Variants in SCAF1 observed in about 807,000 individuals in gnomAD.
SCAF1 encodes splicing factor, arginine/serine-rich 19.
SCAF1 carries 28 observed loss-of-function variants against 91.2 expected under a neutral mutation model. The ratio of observed to expected loss-of-function variants is 0.31; its 90% CI spans 0.23 to 0.42. The LOEUF (loss-of-function observed/expected upper bound fraction) is 0.42, where lower values mean the gene tolerates loss of function less well. SCAF1 is among the 10% of genes least tolerant of loss of function. SCAF1 has a pLI of 1.00. For synonymous variants in SCAF1, 1,036 were observed against 833.7 expected, an observed-to-expected ratio of 1.24 and a Z score of -4.18; for missense variants, 1,893 against 1,872.1, an observed-to-expected ratio of 1.01 and a Z score of -0.21.
At position 49,653,436 on chromosome 19, in the gene SCAF1, G is replaced by T. The variant is rs757982776; in HGVS notation, c.3047G>T (p.Gly1016Val). The T allele has an allele frequency of 1.0e-5, 16 of 1,546,742 alleles. No homozygotes were observed. In the South Asian group the frequency reaches 1.7e-4, roughly 17 times the overall value. ...CCCGAGGAGGCCACTGAGGAGGCTG[G>T]GGTCCGAGGTGGGGCGGAGGAGGAG... Reference protein sequence around the residue: ...FLPEEATEEAGVRGGAEEEEE... With the variant: ...FLPEEATEEAVVRGGAEEEEE... The change falls in exon 7 of 11, where the codon GGG (glycine) becomes GTG (valine). Residue 1016 changes from glycine (G) to valine (V), a missense_variant. Transcript: ENST00000360565.
At chr19:49,657,640 GC>G in intron 9 of SCAF1, 120 bp from the exon 10 acceptor site, 1 of 1,290,936 alleles carries the variant, frequency 7.7e-7, no homozygotes, top group Non-Finnish European at 1.1e-6. Flanking sequence ...AGGACTTCCA[GC>G]CTGAGAGCAG....
chr19:49,651,613 C>A lies in SCAF1; in HGVS notation c.1224C>A (p.Ser408=). 1 of 1,476,454 alleles carries A rather than the reference C, an allele frequency of 6.8e-7. No homozygotes were observed. Among genetic ancestry groups the A allele is most frequent in the Non-Finnish European group, 8.9e-7 (1 of 1,117,614 alleles). 91.5% of individuals were successfully genotyped at this position (1,476,454 alleles called of 1,614,324 possible). The change falls in exon 7 of 11, where the codon TCC becomes TCA. Residue 408 remains serine, a synonymous_variant. Transcript: ENST00000360565. ...QPEEEPRLAL[S]LFRPGGRAAR... ...AGGAGGAGCCCAGGCTGGCGCTGTC[C>A]CTCTTCCGCCCCGGCGGCCGGGCCG...
chr19:49,651,650 C>G lies in SCAF1; in HGVS notation c.1261C>G (p.Pro421Ala). The G allele has an allele frequency of 7.0e-7, 1 of 1,426,584 alleles. No homozygotes were observed. The highest frequency in any genetic ancestry group is 9.1e-7 in the Non-Finnish European group (1 of 1,099,372). The allele number at this position is 1,426,584 out of a possible 1,614,324, so 88.4% of individuals were successfully genotyped here. Reference protein sequence around the residue: ...RPGGRAARPTPAASATPTAQP... With the variant: ...RPGGRAARPTAAASATPTAQP... ...CGGCGGCCGGGCCGCCCGGCCTACA[C>G]CGGCCGCCTCGGCCACCCCCACGGC... The change falls in exon 7 of 11, where the codon CCG (proline) becomes GCG (alanine). Residue 421 changes from proline (P) to alanine (A), a missense_variant. Pro to Ala is a conservative substitution (Grantham distance 27). Around this residue, in one of 5 missense-constraint regions of SCAF1, gnomAD observed 1,436 missense variants for 1,306.8 expected, o/e 1.10. Transcript: ENST00000360565.
At chr19:49,648,410 C>G (rs1005853674) in intron 6 of SCAF1, among the ~76,000 whole-genome samples, 1 of 152,030 alleles carries the variant, frequency 6.6e-6, no homozygotes, top group Non-Finnish European at 1.5e-5. Flanking sequence ...CCACGCCCAG[C>G]CTTTATTTTT....
At position 49,646,294 on chromosome 19, in the gene SCAF1, C is replaced by G. The variant is rs1044238575; in HGVS notation, c.261+92C>G. ...GTCTGGGGGAATGGGGTTTGGGGACCTGGACTCCTGGCTCTGCGATGCTGA... is the reference window on the plus strand; with the variant it reads ...GTCTGGGGGAATGGGGTTTGGGGACGTGGACTCCTGGCTCTGCGATGCTGA... On this transcript the variant is annotated intron_variant, in intron 4 of 10. Coordinates refer to ENST00000360565, the MANE Select transcript of SCAF1 (RefSeq NM_021228.3). The surrounding 1 kb of genome is among the most constrained non-coding windows in gnomAD (Gnocchi z 5.6). 23 of 1,107,832 alleles carry G rather than the reference C, an allele frequency of 2.1e-5. No individual in the cohort carries two copies. Among genetic ancestry groups the G allele is most frequent in the Admixed American group, 7.4e-5 (3 of 40,376 alleles). 68.6% of individuals were successfully genotyped at this position (1,107,832 alleles called of 1,614,324 possible).
chr19:49,658,241 G>C lies in SCAF1; in HGVS notation c.3781G>C (p.Val1261Leu). ...CAGCAAAAGTGGGGAAATCAACCCA[G>C]TGAAGGTGAGCAACCTGGTGCGGGC... ...CHSKSGEINP[V>L]KVSNLVRAYV... Residue 1261 changes from valine (V) to leucine (L), a missense_variant, in exon 11 of 11, where the codon GTG (valine) becomes CTG (leucine). Around this residue, in one of 5 missense-constraint regions of SCAF1, gnomAD observed 56 missense variants for 106.3 expected, o/e 0.53. Coordinates refer to ENST00000360565, the MANE Select transcript of SCAF1 (RefSeq NM_021228.3). The C allele has an allele frequency of 6.2e-7, 1 of 1,613,718 alleles. No individual in the cohort carries two copies.
Position 49,653,269 on chromosome 19 carries a change from G to A in SCAF1, c.2880G>A (p.Glu960=). 2 of 1,480,488 alleles carry A rather than the reference G, an allele frequency of 1.4e-6. No homozygotes were observed. Among genetic ancestry groups the A allele is most frequent in the Middle Eastern group, 1.8e-4 (1 of 5,582 alleles). The allele number at this position is 1,480,488 out of a possible 1,614,324, so 91.7% of individuals were successfully genotyped here. A position where few individuals can be genotyped will look rare whatever the true frequency, so the allele number is the denominator to read the frequency against. ...CSQAAGTKGA[E]ETSWSGEERA... ...AGGCGGCAGGCACCAAGGGGGCGGA[G>A]GAGACTTCCTGGTCCGGGGAGGAGC... Residue 960 remains glutamate (E), a synonymous_variant, in exon 7 of 11, where the codon GAG becomes GAA. Coordinates refer to ENST00000360565, the MANE Select transcript of SCAF1 (RefSeq NM_021228.3).
Position 49,658,511 on chromosome 19 carries a change from C to A in SCAF1, c.*112C>A. ...TGGGATGACTGGGGGAGGGTTGCTGCAGGGAAGAGGAGAGCCCCCTGCCCT... is the reference window on the plus strand; with the variant it reads ...TGGGATGACTGGGGGAGGGTTGCTGAAGGGAAGAGGAGAGCCCCCTGCCCT... On this transcript the variant is annotated 3_prime_UTR_variant, in exon 11 of 11. Coordinates refer to ENST00000360565, the MANE Select transcript of SCAF1 (RefSeq NM_021228.3). 1 of 676,012 alleles carries A rather than the reference C, an allele frequency of 1.5e-6. No individual in the cohort carries two copies. The highest frequency in any genetic ancestry group is 2.5e-6 in the Non-Finnish European group (1 of 400,350). The allele number at this position is 676,012 out of a possible 1,614,324, so 41.9% of individuals were successfully genotyped here. A position where few individuals can be genotyped will look rare whatever the true frequency, so the allele number is the denominator to read the frequency against.
chr19:49,658,496 G>T lies in SCAF1; in HGVS notation c.*97G>T, dbSNP rs948103006. On this transcript the variant is annotated 3_prime_UTR_variant, in exon 11 of 11. Transcript: ENST00000360565. Reference sequence around the variant, plus strand: ...TCCCTCCCCCGTCAGTGGGATGACTGGGGGAGGGTTGCTGCAGGGAAGAGG... The same window carrying T: ...TCCCTCCCCCGTCAGTGGGATGACTTGGGGAGGGTTGCTGCAGGGAAGAGG... 1.4e-5 allele frequency: 10 copies of T among 710,524 alleles called. No homozygotes were observed. The highest frequency in any genetic ancestry group is 2.1e-5 in the Non-Finnish European group (9 of 431,276). 44.0% of individuals were successfully genotyped at this position (710,524 alleles called of 1,614,324 possible).
rs1369328337 is a variant in SCAF1 at position 49,652,315 on chromosome 19, G to A, written c.1926G>A (p.Lys642=). 1.3e-6 allele frequency: 2 copies of A among 1,534,632 alleles called. No homozygotes were observed. The highest frequency in any genetic ancestry group is 2.5e-5 in the East Asian group (1 of 40,228). Reference sequence around the variant, plus strand: ...ACCGGGACGGTGGCGGCAGCAAGAAGAAGAAGAAGCGGTCGCGGTCCCGGG... The same window carrying A: ...ACCGGGACGGTGGCGGCAGCAAGAAAAAGAAGAAGCGGTCGCGGTCCCGGG... ...GKHRDGGGSK[K]KKKRSRSRGE... The change falls in exon 7 of 11, where the codon AAG becomes AAA. Residue 642 remains lysine (K), a synonymous_variant. Transcript: ENST00000360565.
At position 49,646,642 on chromosome 19, in the gene SCAF1, G is replaced by C; in HGVS notation, c.362+16G>C. On this transcript the variant is annotated intron_variant, in intron 5 of 10. Transcript: ENST00000360565. The surrounding 1 kb of genome is among the most constrained non-coding windows in gnomAD (Gnocchi z 5.6). ...GGCCTGGCGAGTGAGTAGCTGGGCA[G>C]CTGGAGTGGGAGAGGCCTCAGCGTG... 1 of 1,613,818 alleles carries C rather than the reference G, an allele frequency of 6.2e-7. No homozygotes were observed. Among genetic ancestry groups the C allele is most frequent in the Non-Finnish European group, 8.5e-7 (1 of 1,179,766 alleles).
chr19:49,645,617 G>T lies in SCAF1; in HGVS notation c.166+206G>T, dbSNP rs1374145052. On this transcript the variant is annotated intron_variant, in intron 3 of 10. Coordinates refer to ENST00000360565, the MANE Select transcript of SCAF1 (RefSeq NM_021228.3). The surrounding 1 kb of genome is among the most constrained non-coding windows in gnomAD (Gnocchi z 4.6). ...ACAGGCACAGTGCTGGGAGAGGGCA[G>T]GAGGCCCACTTGAGCTAGCATGGTG... Among the ~76,000 whole-genome samples the T allele has an allele frequency of 3.9e-5, 6 of 152,214 alleles. No individual in the cohort carries two copies. Among genetic ancestry groups the T allele is most frequent in the African/African-American group, 1.4e-4 (6 of 41,472 alleles).
Position 49,642,420 on chromosome 19 carries a change from C to T in SCAF1, c.-7+178C>T, listed in dbSNP as rs532034996. Among the ~76,000 whole-genome samples the T allele has an allele frequency of 9.9e-5, 15 of 152,142 alleles. No individual in the cohort carries two copies. Among genetic ancestry groups the T allele is most frequent in the Admixed American group, 2.6e-4 (4 of 15,276 alleles). Reference sequence around the variant, plus strand: ...AACCTGGCGCCGAGAGGGGGGCCTTCTCAGGGCCCCGGGACGCATCCGTGG... The same window carrying T: ...AACCTGGCGCCGAGAGGGGGGCCTTTTCAGGGCCCCGGGACGCATCCGTGG... On this transcript the variant is annotated intron_variant, in intron 1 of 10. Transcript: ENST00000360565. This position sits in a 1 kb window ranked among gnomAD's most constrained non-coding sequence, Gnocchi z 4.0.
upstream of SCAF1, among the ~76,000 whole-genome samples, chr19:49,641,202 GGGA>G (rs1346393270): frequency 1.3e-5 from 2 of 152,212 alleles, no homozygotes; most frequent in African/African-American, 4.8e-5. Context: ...CTGAGTCGGA[GGGA>G]GGAGGGAAAT....
Position 49,653,742 on chromosome 19 carries a change from G to A in SCAF1, c.3316+37G>A, listed in dbSNP as rs750214997. The A allele has an allele frequency of 9.5e-6, 14 of 1,476,018 alleles. No individual in the cohort carries two copies. In the East Asian group the frequency reaches 3.2e-4, roughly 34 times the overall value. The allele number at this position is 1,476,018 out of a possible 1,614,324, so 91.4% of individuals were successfully genotyped here. On this transcript the variant is annotated intron_variant, in intron 7 of 10. Coordinates refer to ENST00000360565, the MANE Select transcript of SCAF1 (RefSeq NM_021228.3). ...CTGGGGGAGGGTGGTGCTGGGGCAG[G>A]TGAGACAGGATGGGGACTGGAGGGT...
rs1377517037 is a variant in SCAF1 at position 49,652,436 on chromosome 19, CG to C, written c.2053del (p.Ala685ProfsTer53). On this transcript the variant is annotated frameshift_variant, in exon 7 of 11. Coordinates refer to ENST00000360565, the MANE Select transcript of SCAF1 (RefSeq NM_021228.3). LOFTEE classifies it high-confidence loss of function. Reference protein sequence around the residue: ...TSCGDRDSRRRGAVPPSIQDL... With the variant: ...TSCGDRDSRRXGAVPPSIQDL... Reference sequence around the variant, plus strand: ...GTGTGGTGACCGCGACAGCCGCCGCCGGGGGGCCGTGCCACCCTCCATCCAG... The same window carrying C: ...GTGTGGTGACCGCGACAGCCGCCGCCGGGGGCCGTGCCACCCTCCATCCAG... 2.5e-6 allele frequency: 4 copies of C among 1,600,260 alleles called. No homozygotes were observed. Among genetic ancestry groups the C allele is most frequent in the Admixed American group, 1.7e-5 (1 of 59,372 alleles).
Position 49,651,493 on chromosome 19 carries a change from G to A in SCAF1, c.1104G>A (p.Ser368=), listed in dbSNP as rs774689132. The A allele has an allele frequency of 3.8e-6, 6 of 1,577,292 alleles. No individual in the cohort carries two copies. The Admixed American group carries it at 5.5e-5, about 14-fold the overall frequency. ...EAEACREGKV[S]VEVVTAGGAA... ...AGGCTTGTCGGGAAGGCAAGGTCTC[G>A]GTGGAGGTGGTGACCGCTGGTGGAG... is the stretch of plus-strand genomic sequence containing the variant. Residue 368 remains serine, a synonymous_variant, in exon 7 of 11, where the codon TCG becomes TCA. Coordinates refer to ENST00000360565, the MANE Select transcript of SCAF1 (RefSeq NM_021228.3).
chr19:49,647,174 C>T (rs914488673), intron 6 of SCAF1, among the ~76,000 whole-genome samples: 3 of 152,232 alleles, frequency 2.0e-5, no homozygotes, highest in East Asian at 1.9e-4. Flanking sequence ...TGCCCAAGGG[C>T]GCACAGCCAG....
At chr19:49,653,973 G>A (rs1438808989) in intron 7 of SCAF1, among the ~76,000 whole-genome samples, 5 of 152,172 alleles carry the variant, frequency 3.3e-5, no homozygotes, top group Admixed American at 6.5e-5. Context: ...TAGGAGAGAG[G>A]GACCAGAAAG....
Sources: allele counts gnomAD v4.1 joint callset (sites outside exome capture counted in the v4.1 genomes callset), GRCh38; gene constraint gnomAD v4.1.1; regional missense constraint gnomAD v4.1.1; non-coding constraint Gnocchi (gnomAD v3.1); transcripts MANE v1.5; gene names NCBI Gene and HGNC (gene_info 2026-07-23, HGNC 2026-07-21).